Variants in ODR4 observed in about 807,000 individuals in gnomAD.
The protein encoded by ODR4 is protein odr-4 homolog.
In ODR4, 47 loss-of-function variants were observed where a neutral mutation model predicts 60.2. The observed-to-expected ratio is 0.78, with a 90% CI of 0.62 to 1.00. The LOEUF (loss-of-function observed/expected upper bound fraction) is 1.00, where lower values mean the gene tolerates loss of function less well. Among genes scored for constraint, ODR4 ranks in the 50% least tolerant of loss-of-function variants. The pLI, the probability that ODR4 is intolerant of heterozygous loss-of-function variation, is 0.00. For synonymous variants in ODR4, 178 were observed against 175.5 expected (o/e 1.01, Z -0.11); for missense variants, 488 against 530.8 (o/e 0.92, Z 0.79).
chr1:186,377,023 G>T (rs1362054030), intron 1 of ODR4, among the ~76,000 whole-genome samples: 1 of 152,102 alleles, frequency 6.6e-6, no homozygotes, highest in African/African-American at 2.4e-5. Flanking sequence ...GTGGGGCATT[G>T]GTTCCAGGAC....
chr1:186,418,702 A>G (rs1467450074), intron 13 of ODR4, among the ~76,000 whole-genome samples: 1 of 152,208 alleles, frequency 6.6e-6, no homozygotes, highest in Non-Finnish European at 1.5e-5. Context: ...CTGGTATGCC[A>G]ATATAAATAT....
At chr1:186,401,056 A>T (rs1660923632) in intron 11 of ODR4, 1 of 1,595,708 alleles carries the variant, frequency 6.3e-7, no homozygotes, top group Non-Finnish European at 8.6e-7. Flanking sequence ...ATGGGGATGT[A>T]TCCACCATTA....
the ODR4 span, among the ~76,000 whole-genome samples, chr1:186,431,314 G>A: frequency 4.6e-5 from 7 of 152,142 alleles, no homozygotes; most frequent in African/African-American, 9.7e-5. Context: ...AAGAAAAATC[G>A]TGGAATTGCC....
chr1:186,378,137 A>G (rs1174664094), intron 1 of ODR4, among the ~76,000 whole-genome samples: 1 of 152,286 alleles, frequency 6.6e-6, no homozygotes, highest in South Asian at 2.1e-4. Flanking sequence ...AACAGCCTCC[A>G]GTAGGACATT....
chr1:186,410,093 G>T (rs1661316759), intron 12 of ODR4, among the ~76,000 whole-genome samples: 1 of 152,204 alleles, frequency 6.6e-6, no homozygotes, highest in Non-Finnish European at 1.5e-5. Flanking sequence ...CATGGTAGGT[G>T]TTCCTAATTA....
rs1443280111 is a variant in ODR4, at chr1:186,408,979, TC to T, written c.1186+2712del. Among the ~76,000 whole-genome samples, 9 of 151,468 alleles carry T rather than the reference TC, an allele frequency of 5.9e-5. No homozygotes were observed. The Admixed American group carries it at 6.0e-4, about 10-fold the overall frequency. On this transcript the variant is annotated intron_variant, in intron 12 of 13. Coordinates refer to ENST00000287859, the MANE Select transcript of ODR4 (RefSeq NM_017847.6). Reference sequence around the variant, plus strand: ...ATAGACTAGTTTAAGACTGTTTTATTCAGTTCTTTTTAAGTTAATATTTTAA... The same window carrying T: ...ATAGACTAGTTTAAGACTGTTTTATTAGTTCTTTTTAAGTTAATATTTTAA...
chr1:186,428,435 C>T, the ODR4 span, among the ~76,000 whole-genome samples: 1 of 152,192 alleles, frequency 6.6e-6, no homozygotes, highest in Non-Finnish European at 1.5e-5. Context: ...TAGGGCCTTG[C>T]TCTGGACTAG....
chr1:186,401,438 C>G (rs1660940297), intron 11 of ODR4: 1 of 295,036 alleles, frequency 3.4e-6, no homozygotes, highest in East Asian at 1.0e-4. Flanking sequence ...TGACCTCAGG[C>G]AAATGACTTT....
At chr1:186,401,045 T>C in intron 11 of ODR4, 1 of 1,592,608 alleles carries the variant, frequency 6.3e-7, no homozygotes, top group Non-Finnish European at 8.6e-7. Context: ...ATTTGCAGGG[T>C]ATGGGGATGT....
Position 186,419,150 on chromosome 1 carries a change from A to T in ODR4, c.*74A>T. The stretch of plus-strand genomic sequence containing the variant: ...ATTATGAATAATAAAGATGTTAACA[A>T]TCCATCTGTATTTAAAACACTAGCA... On this transcript the variant is annotated 3_prime_UTR_variant, in exon 14 of 14. Coordinates refer to ENST00000287859, the MANE Select transcript of ODR4 (RefSeq NM_017847.6). 7.8e-7 allele frequency: 1 copy of T among 1,284,772 alleles called. No individual in the cohort carries two copies. The highest frequency in any genetic ancestry group is 1.3e-5 in the South Asian group (1 of 79,072). The allele number at this position is 1,284,772 out of a possible 1,614,324, so 79.6% of individuals were successfully genotyped here.
chr1:186,417,547 G>T lies in ODR4; in HGVS notation c.1190G>T (p.Cys397Phe), dbSNP rs749797864. ...LEIAEETNTA[C>F]MSSSMNSQAS... The stretch of plus-strand genomic sequence containing the variant: ...TATTATTATTATACCCTTTCAGCTT[G>T]TATGAGTTCTTCTATGAATAGTCAA... Residue 397 changes from cysteine (C) to phenylalanine (F), a missense_variant, in exon 13 of 14, where the codon TGT becomes TTT. Physicochemically the swap from Cys to Phe is radical, Grantham distance 205 (BLOSUM62 -2). Coordinates refer to ENST00000287859, the MANE Select transcript of ODR4 (RefSeq NM_017847.6). The T allele has an allele frequency of 5.8e-6, 9 of 1,553,646 alleles. No homozygotes were observed. The Admixed American group carries it at 1.6e-4, about 28-fold the overall frequency.
chr1:186,387,190 G>A (rs1264483828), intron 4 of ODR4, among the ~76,000 whole-genome samples: 1 of 152,092 alleles, frequency 6.6e-6, no homozygotes, highest in Non-Finnish European at 1.5e-5. Flanking sequence ...AGATGTCCCA[G>A]CCTCAAGCCT....
At chr1:186,397,153 C>A (rs1466780917) in intron 9 of ODR4, among the ~76,000 whole-genome samples, 1 of 152,188 alleles carries the variant, frequency 6.6e-6, no homozygotes, top group Non-Finnish European at 1.5e-5. Flanking sequence ...AGAAGATTTA[C>A]ATTGCCTTAG....
intron 5 of ODR4, among the ~76,000 whole-genome samples, chr1:186,389,204 A>G (rs969519899): frequency 2.0e-5 from 3 of 151,954 alleles, no homozygotes; most frequent in Non-Finnish European, 2.9e-5. Flanking sequence ...AAAGTTTCAT[A>G]TACAAGCCCT....
rs750055454 is a variant in ODR4, at chr1:186,417,649, A to G, written c.1292A>G (p.Asn431Ser). ...ACAATGTTATTGAAAATTCAGCAAAACATAGGTATTTAATTTTACTTCTTT... is the reference window on the plus strand; with the variant it reads ...ACAATGTTATTGAAAATTCAGCAAAGCATAGGTATTTAATTTTACTTCTTT... ...KTTMLLKIQQ[N>S]IGVIAAFTVA... is the part of the protein sequence containing the mutation. Residue 431 changes from asparagine (N) to serine (S), a missense_variant, in exon 13 of 14, where the codon AAC becomes AGC. Transcript: ENST00000287859. 9 of 1,520,712 alleles carry G rather than the reference A, an allele frequency of 5.9e-6. No homozygotes were observed. The Admixed American group carries it at 1.1e-4, about 19-fold the overall frequency. 94.2% of individuals were successfully genotyped at this position (1,520,712 alleles called of 1,614,324 possible).
intron 3 of ODR4, among the ~76,000 whole-genome samples, chr1:186,384,182 G>A (rs1413486216): frequency 2.0e-5 from 3 of 152,198 alleles, no homozygotes; most frequent in Non-Finnish European, 4.4e-5. Flanking sequence ...GCAAGATTGA[G>A]CATCTGGTCA....
intron 9 of ODR4, 87 bp from the exon 10 acceptor site, chr1:186,398,226 T>A: frequency 8.1e-7 from 1 of 1,241,778 alleles, no homozygotes; most frequent in Non-Finnish European, 1.1e-6. Flanking sequence ...TTGTTCTCTC[T>A]TCATAAAATC....
chr1:186,406,485 A>G (rs2102072629), intron 12 of ODR4, among the ~76,000 whole-genome samples: 1 of 152,294 alleles, frequency 6.6e-6, no homozygotes, highest in East Asian at 1.9e-4. Context: ...AAAATTTAAG[A>G]TACTAAGGTA....
chr1:186,390,491 G>A (rs1354105695), intron 6 of ODR4, among the ~76,000 whole-genome samples: 1 of 152,176 alleles, frequency 6.6e-6, no homozygotes, highest in Non-Finnish European at 1.5e-5. Flanking sequence ...ACCATTGGGA[G>A]GAGAAGTATT....
Sources: gnomAD v4.1 joint callset for allele counts (sites outside exome capture counted in the v4.1 genomes callset) on GRCh38, gnomAD v4.1.1 for gene constraint, MANE v1.5 for transcripts, NCBI Gene and HGNC (gene_info 2026-07-23, HGNC 2026-07-21) for gene names.